The following SDK1 variants were observed in gnomAD, a reference collection of about 807,000 sequenced individuals.
SDK1 encodes sidekick cell adhesion molecule 1.
SDK1 carries 157 observed loss-of-function variants against 245.5 expected under a neutral mutation model. That is an observed-to-expected ratio of 0.64 (90% CI 0.56 to 0.73). SDK1 has a LOEUF of 0.73. Ranked by LOEUF, SDK1 falls within the 30% of genes least tolerant of loss-of-function variation. The pLI, the probability that SDK1 is intolerant of heterozygous loss-of-function variation, is 0.00. For synonymous variants in SDK1, 1,647 were observed against 1,278.5 expected (o/e 1.29, Z -6.15); for missense variants, 3,583 against 3,002.3 (o/e 1.19, Z -4.52).
At chr7:3,394,313 T>C (rs1337123731) in intron 1 of SDK1, among the ~76,000 whole-genome samples, 5 of 152,168 alleles carry the variant, frequency 3.3e-5, no homozygotes, top group African/African-American at 1.2e-4. Context: ...CCCTAGTGTA[T>C]TGCCTTGGCA....
chr7:3,986,241 G>C (rs150189001), intron 13 of SDK1, among the ~76,000 whole-genome samples: 1 of 151,304 alleles, frequency 6.6e-6, no homozygotes, highest in Admixed American at 6.6e-5. Flanking sequence ...GAATTTATTC[G>C]CTTTAATTGC....
Position 3,934,308 on chromosome 7 carries a change from T to G in SDK1, c.848-16615T>G, listed in dbSNP as rs535601101. 2.0e-5 allele frequency among the ~76,000 whole-genome samples: 3 copies of G among 152,362 alleles called. No individual in the cohort carries two copies. The East Asian group carries it at 5.8e-4, about 29-fold the overall frequency. Reference sequence around the variant, plus strand: ...TCTCTCCTGTGTTCAAACCATTTGTTAAGACAATTTTCTGTTTTCTCCAGG... The same window carrying G: ...TCTCTCCTGTGTTCAAACCATTTGTGAAGACAATTTTCTGTTTTCTCCAGG... On this transcript the variant is annotated intron_variant, in intron 5 of 44. Transcript: ENST00000404826.
chr7:3,430,751 G>A (rs559832143), intron 1 of SDK1, among the ~76,000 whole-genome samples: 3 of 152,332 alleles, frequency 2.0e-5, no homozygotes, highest in African/African-American at 7.2e-5. Flanking sequence ...AATGTCTGCT[G>A]CCCTGGGGGC....
chr7:3,387,883 CTAATATTA>C (rs1227326798), intron 1 of SDK1, among the ~76,000 whole-genome samples: 1 of 152,154 alleles, frequency 6.6e-6, no homozygotes, highest in Non-Finnish European at 1.5e-5. Context: ...TGTTAAGTAG[CTAATATTA>C]TAATCCTTAT....
chr7:3,512,473 G>A (rs924479824), intron 1 of SDK1, among the ~76,000 whole-genome samples: 2 of 152,164 alleles, frequency 1.3e-5, no homozygotes, highest in African/African-American at 4.8e-5. Flanking sequence ...ATTTCTTTGG[G>A]TGAATACCAA....
At chr7:3,844,792 G>A (rs1780237092) in intron 5 of SDK1, among the ~76,000 whole-genome samples, 1 of 152,194 alleles carries the variant, frequency 6.6e-6, no homozygotes, top group South Asian at 2.1e-4. Flanking sequence ...CTCTCGTGCT[G>A]CTGATTCAGC....
At chr7:3,993,185 A>G (rs1214320509) in intron 14 of SDK1, among the ~76,000 whole-genome samples, 3 of 152,212 alleles carry the variant, frequency 2.0e-5, no homozygotes, top group Non-Finnish European at 4.4e-5. Flanking sequence ...GTTTAATGCA[A>G]CAGTTGCCAC....
At chr7:3,389,922 C>A (rs13235475) in intron 1 of SDK1, among the ~76,000 whole-genome samples, 2 of 152,050 alleles carry the variant, frequency 1.3e-5, no homozygotes, top group South Asian at 2.1e-4. Context: ...ACAGACTGTT[C>A]AAGTGTTTAA....
intron 5 of SDK1, among the ~76,000 whole-genome samples, chr7:3,834,035 A>C (rs1779975647): frequency 6.6e-6 from 1 of 152,214 alleles, no homozygotes; most frequent in Admixed American, 6.5e-5. Context: ...GATGCATATA[A>C]GAGTAAACTT....
chr7:4,023,303 G>T (rs1787078450), intron 17 of SDK1, among the ~76,000 whole-genome samples: 1 of 151,944 alleles, frequency 6.6e-6, no homozygotes, highest in Non-Finnish European at 1.5e-5. Context: ...GTGACTCCAT[G>T]ACCTTTTCAG....
intron 5 of SDK1, among the ~76,000 whole-genome samples, chr7:3,827,687 G>T (rs1779810857): frequency 6.6e-6 from 1 of 152,190 alleles, no homozygotes; most frequent in East Asian, 1.9e-4. Context: ...CCCTTTGCAG[G>T]TGCAGGGCCA....
chr7:3,814,869 G>T (rs1366959135), intron 4 of SDK1, among the ~76,000 whole-genome samples: 1 of 151,848 alleles, frequency 6.6e-6, no homozygotes, highest in Non-Finnish European at 1.5e-5. Flanking sequence ...TATTCTCTTT[G>T]AAGCAATTGT....
At chr7:3,496,616 A>G (rs1301871711) in intron 1 of SDK1, among the ~76,000 whole-genome samples, 4 of 152,206 alleles carry the variant, frequency 2.6e-5, no homozygotes, top group Non-Finnish European at 5.9e-5. Flanking sequence ...AACAGGATTC[A>G]GGTCAAGTAT....
chr7:3,506,681 T>C (rs1782402288), intron 1 of SDK1, among the ~76,000 whole-genome samples: 1 of 152,182 alleles, frequency 6.6e-6, no homozygotes, highest in Admixed American at 6.5e-5. Context: ...ATGTAGCTGC[T>C]CTTGTGTTGT....
chr7:3,853,268 TC>T (rs1269859791), intron 5 of SDK1, among the ~76,000 whole-genome samples: 1 of 152,148 alleles, frequency 6.6e-6, no homozygotes, highest in African/African-American at 2.4e-5. Flanking sequence ...TGGTTTGTAG[TC>T]CTAAGTGGAT....
chr7:3,616,328 C>T (rs943200415), intron 1 of SDK1, among the ~76,000 whole-genome samples: 8 of 152,200 alleles, frequency 5.3e-5, no homozygotes, highest in Admixed American at 2.0e-4. Flanking sequence ...TGGACAGTCA[C>T]GCAACGATGA....
Position 4,175,773 on chromosome 7 carries a change from A to G in SDK1, c.4937-2A>G, listed in dbSNP as rs1584372137. On this transcript the variant is annotated splice_acceptor_variant, in intron 33 of 44. Coordinates refer to ENST00000404826, the MANE Select transcript of SDK1 (RefSeq NM_152744.4). LOFTEE classifies it high-confidence loss of function. ...ACCTTTCTGCTTTGCTTACCCCAATAGCCCAAAGCAGCTTCAAGACGGTGA... is the reference window on the plus strand; with the variant it reads ...ACCTTTCTGCTTTGCTTACCCCAATGGCCCAAAGCAGCTTCAAGACGGTGA... 8 of 1,613,762 alleles carry G rather than the reference A, an allele frequency of 5.0e-6. No individual in the cohort carries two copies. Among genetic ancestry groups the G allele is most frequent in the Non-Finnish European group, 5.9e-6 (7 of 1,179,768 alleles).
intron 2 of SDK1, among the ~76,000 whole-genome samples, chr7:3,623,851 T>C (rs74928326): frequency 0.03 from 4,593 of 152,324 alleles, 202 homozygotes; most frequent in African/African-American, 0.099. Flanking sequence ...AGTTTTCTTA[T>C]GTAACCTGCC....
intron 5 of SDK1, among the ~76,000 whole-genome samples, chr7:3,924,454 G>A (rs991926112): frequency 1.3e-5 from 2 of 152,302 alleles, no homozygotes; most frequent in South Asian, 4.1e-4. Flanking sequence ...TGGTGACGGG[G>A]TGTGATCTCC....
Sources: gnomAD v4.1 joint callset for allele counts (sites outside exome capture counted in the v4.1 genomes callset) on GRCh38, gnomAD v4.1.1 for gene constraint, MANE v1.5 for transcripts, NCBI Gene and HGNC (gene_info 2026-07-23, HGNC 2026-07-21) for gene names.